The following CLDN10 variants were observed in gnomAD, a reference collection of about 807,000 sequenced individuals.
CLDN10 encodes the protein claudin 10, also known as claudin-10.
In CLDN10, 15 loss-of-function variants were observed where a neutral mutation model predicts 22.9. The observed-to-expected ratio is 0.65, with a 90% CI of 0.44 to 1.01. CLDN10 has a LOEUF of 1.01. Among genes scored for constraint, CLDN10 ranks in the 50% least tolerant of loss-of-function variants. CLDN10 has a pLI of 0.00. For synonymous variants in CLDN10, 114 were observed against 111.4 expected (o/e 1.02, Z -0.15); for missense variants, 247 against 287.8 (o/e 0.86, Z 1.03).
chr13:95,497,603 AC>A (rs1401570874), intron 1 of CLDN10, among the ~76,000 whole-genome samples: 1 of 152,206 alleles, frequency 6.6e-6, no homozygotes, highest in African/African-American at 2.4e-5. Context: ...TTGCAGTTTC[AC>A]AACCATACCT....
chr13:95,511,325 A>G (rs1330208480), intron 1 of CLDN10, among the ~76,000 whole-genome samples: 1 of 152,094 alleles, frequency 6.6e-6, no homozygotes, highest in Admixed American at 6.5e-5. Context: ...ATGGCAGAGA[A>G]CAAAAAAGGA....
intron 3 of CLDN10, among the ~76,000 whole-genome samples, chr13:95,568,351 T>G (rs2043810915): frequency 6.6e-6 from 1 of 152,216 alleles, no homozygotes; most frequent in Non-Finnish European, 1.5e-5. Flanking sequence ...CCAGAATTAC[T>G]TAGATGCTTT....
Position 95,459,103 on chromosome 13 carries a change from G to A in CLDN10, c.214+25056G>A, listed in dbSNP as rs534483075. On this transcript the variant is annotated intron_variant, in intron 1 of 4. Transcript: ENST00000376873. The stretch of plus-strand genomic sequence containing the variant: ...TGTCCTACATCCAGGTCACACTGAT[G>A]CAAGAGGTGGTCTCCCATGGCCTTG... 3.3e-5 allele frequency among the ~76,000 whole-genome samples: 5 copies of A among 152,334 alleles called. No individual in the cohort carries two copies. In the South Asian group the frequency reaches 8.3e-4, roughly 25 times the overall value.
rs544880926 is a variant in CLDN10 at position 95,524,920 on chromosome 13, C to T, written c.215-35212C>T. 3.3e-5 allele frequency among the ~76,000 whole-genome samples: 5 copies of T among 151,246 alleles called. No homozygotes were observed. In the East Asian group the frequency reaches 7.8e-4, roughly 24 times the overall value. On this transcript the variant is annotated intron_variant, in intron 1 of 4. Transcript: ENST00000376873. ...TGTTGCCCAGGCTGGAGTGCAATGG[C>T]GAGATCTCGGCTCAACACAACCTCC...
intron 1 of CLDN10, among the ~76,000 whole-genome samples, chr13:95,436,903 A>G (rs1047789725): frequency 6.6e-6 from 1 of 152,376 alleles, no homozygotes; most frequent in Middle Eastern, 3.4e-3. Flanking sequence ...TCAGAAGTCA[A>G]TGAAGAATGA....
intron 1 of CLDN10, among the ~76,000 whole-genome samples, chr13:95,540,485 A>C (rs1301545253): frequency 6.6e-6 from 1 of 152,074 alleles, no homozygotes; most frequent in Non-Finnish European, 1.5e-5. Context: ...CAGAGCAGAG[A>C]CAGACTCTGT....
intron 1 of CLDN10, among the ~76,000 whole-genome samples, chr13:95,451,573 G>A (rs2042432175): frequency 6.6e-6 from 1 of 152,174 alleles, no homozygotes; most frequent in African/African-American, 2.4e-5. Flanking sequence ...TGGGACTACA[G>A]GTGCAAGCCT....
At chr13:95,541,948 G>C (rs2043464362) in intron 1 of CLDN10, among the ~76,000 whole-genome samples, 1 of 152,188 alleles carries the variant, frequency 6.6e-6, no homozygotes, top group Non-Finnish European at 1.5e-5. Flanking sequence ...AAAGAGAAAA[G>C]GTTTAATTGC....
chr13:95,543,181 G>A (rs1463750602), intron 1 of CLDN10, among the ~76,000 whole-genome samples: 3 of 152,116 alleles, frequency 2.0e-5, no homozygotes, highest in Non-Finnish European at 2.9e-5. Flanking sequence ...ACGGTGAGTC[G>A]AAATCGCACC....
chr13:95,541,888 T>C (rs1207242723), intron 1 of CLDN10, among the ~76,000 whole-genome samples: 1 of 152,230 alleles, frequency 6.6e-6, no homozygotes, highest in Non-Finnish European at 1.5e-5. Flanking sequence ...CTCACAACTA[T>C]GTTAGTCCAT....
chr13:95,536,754 G>T (rs1346338614), intron 1 of CLDN10, among the ~76,000 whole-genome samples: 1 of 151,558 alleles, frequency 6.6e-6, no homozygotes. Flanking sequence ...CCTTTCCCAC[G>T]GTCCTTACAA....
chr13:95,492,777 G>T (rs1378633312), intron 1 of CLDN10, among the ~76,000 whole-genome samples: 1 of 152,162 alleles, frequency 6.6e-6, no homozygotes, highest in African/African-American at 2.4e-5. Context: ...CCACCCTCCT[G>T]ATGGATCCCT....
At chr13:95,507,862 A>T (rs2138553763) in intron 1 of CLDN10, among the ~76,000 whole-genome samples, 1 of 152,184 alleles carries the variant, frequency 6.6e-6, no homozygotes, top group South Asian at 2.1e-4. Context: ...ACCTCAAGTG[A>T]TCCACCTGCC....
At chr13:95,530,340 A>G (rs1008458375) in intron 1 of CLDN10, among the ~76,000 whole-genome samples, 7 of 152,174 alleles carry the variant, frequency 4.6e-5, no homozygotes, top group Non-Finnish European at 1.0e-4. Flanking sequence ...AAACCACAAC[A>G]TTTGTGAGTG....
At chr13:95,557,332 A>G (rs866069168) in intron 1 of CLDN10, among the ~76,000 whole-genome samples, 1 of 152,284 alleles carries the variant, frequency 6.6e-6, no homozygotes, top group Middle Eastern at 3.4e-3. Context: ...GAACTGTTAG[A>G]AAGCAAGGCT....
chr13:95,501,282 G>A lies in CLDN10; in HGVS notation c.215-58850G>A, dbSNP rs182509689. The stretch of plus-strand genomic sequence containing the variant: ...ACCCGACTTGGCCTCCTGAAGTGCT[G>A]GGATTACAGGCGTGAGCCACCACAT... On this transcript the variant is annotated intron_variant, in intron 1 of 4. Transcript: ENST00000376873. Among the ~76,000 whole-genome samples, 291 of 152,242 alleles carry A rather than the reference G, an allele frequency of 1.9e-3. 2 individuals carry two copies. The highest frequency in any genetic ancestry group is 0.016 in the South Asian group (79 of 4,814).
rs41277664 is a variant in CLDN10 at position 95,533,962 on chromosome 13, G to A, written c.215-26170G>A. ...CCTCACTCACCAAGCCTCAGCCCCC[G>A]CCCATTTCCTCAGGGACATGCTCCC... On this transcript the variant is annotated intron_variant, in intron 1 of 4. Transcript: ENST00000376873. The A allele has an allele frequency of 7.2e-3, 1,097 of 152,168 alleles. 5 individuals are homozygous for A. The highest frequency in any genetic ancestry group is 0.012 in the Non-Finnish European group (795 of 68,086). 9.4% of individuals were successfully genotyped at this position (152,168 alleles called of 1,614,324 possible).
chr13:95,454,047 G>T (rs2042459094), intron 1 of CLDN10, among the ~76,000 whole-genome samples: 2 of 152,084 alleles, frequency 1.3e-5, no homozygotes, highest in South Asian at 2.1e-4. Context: ...CTTCGGACAA[G>T]TGTTTGCCAG....
chr13:95,551,844 A>C (rs1166035980), upstream of CLDN10, among the ~76,000 whole-genome samples: 1 of 152,188 alleles, frequency 6.6e-6, no homozygotes, highest in African/African-American at 2.4e-5. Flanking sequence ...GAAGGAATGA[A>C]TGAGTTTATA....
Sources: gnomAD v4.1 joint callset for allele counts (sites outside exome capture counted in the v4.1 genomes callset) on GRCh38, gnomAD v4.1.1 for gene constraint, MANE v1.5 for transcripts, NCBI Gene and HGNC (gene_info 2026-07-23, HGNC 2026-07-21) for gene names.